Variants in PCDHGA1 observed in about 807,000 individuals in gnomAD.
PCDHGA1 encodes the protein protocadherin gamma subfamily A, 1.
A neutral mutation model predicts 58.0 loss-of-function variants in PCDHGA1; 32 were observed. That is an observed-to-expected ratio of 0.55 (90% CI 0.42 to 0.74). The LOEUF is 0.74. PCDHGA1 is among the 30% of genes least tolerant of loss of function. PCDHGA1 has a pLI of 0.00. For synonymous variants in PCDHGA1, 498 were observed against 501.1 expected (o/e 0.99, Z 0.08); for missense variants, 1,205 against 1,182.3 (o/e 1.02, Z -0.28).
chr5:141,433,365 A>ATCTG, intron 1 of PCDHGA1: 1 of 523,830 alleles, frequency 1.9e-6, no homozygotes, highest in East Asian at 3.1e-5. Context: ...CTGCCTATCT[A>ATCTG]TCTATCTATC....
chr5:141,507,716 C>T (rs567867232), intron 3 of PCDHGA1, among the ~76,000 whole-genome samples: 1 of 152,372 alleles, frequency 6.6e-6, no homozygotes, highest in South Asian at 2.1e-4. Flanking sequence ...CCCAAACCCT[C>T]CAAGCAAGTC....
chr5:141,481,871 G>A (rs372191396), intron 1 of PCDHGA1, among the ~76,000 whole-genome samples: 73 of 144,864 alleles, frequency 5.0e-4, no homozygotes, highest in Non-Finnish European at 9.7e-4. Context: ...CCGAGATCGC[G>A]CCACTGCACT....
chr5:141,366,556 C>A (rs1764642074), intron 1 of PCDHGA1: 1 of 1,614,234 alleles, frequency 6.2e-7, no homozygotes, highest in Non-Finnish European at 8.5e-7. Flanking sequence ...ACTTTGTGGG[C>A]GTGGATGGGG....
intron 1 of PCDHGA1, among the ~76,000 whole-genome samples, chr5:141,488,087 G>A (rs1479773288): frequency 6.6e-6 from 1 of 152,198 alleles, no homozygotes; most frequent in East Asian, 1.9e-4. Flanking sequence ...CTAGTACACT[G>A]TGAAGGGACC....
chr5:141,498,684 C>T (rs1255085852), intron 2 of PCDHGA1, among the ~76,000 whole-genome samples: 1 of 152,192 alleles, frequency 6.6e-6, no homozygotes, highest in South Asian at 2.1e-4. Flanking sequence ...GTAATCCCAG[C>T]ACTTTGGGAG....
At chr5:141,374,307 T>A in intron 1 of PCDHGA1, 1 of 1,613,922 alleles carries the variant, frequency 6.2e-7, no homozygotes, top group Non-Finnish European at 8.5e-7. Context: ...ATGCAGCTTT[T>A]CTCTCTGAAT....
At chr5:141,358,484 A>G (rs1299917904) in intron 1 of PCDHGA1, among the ~76,000 whole-genome samples, 2 of 152,206 alleles carry the variant, frequency 1.3e-5, no homozygotes, top group African/African-American at 4.8e-5. Context: ...TAACTTTTAG[A>G]TATAACTTTA....
rs754711722 is a variant in PCDHGA1, at chr5:141,371,108, C to A, written c.2421+38003C>A. Reference sequence around the variant, plus strand: ...TAATTGTCGCAGATGCAAATGATAACCCCCCAGTATTTACTCAGGACATGT... The same window carrying A: ...TAATTGTCGCAGATGCAAATGATAAACCCCCAGTATTTACTCAGGACATGT... On this transcript the variant is annotated intron_variant, in intron 1 of 3. Coordinates refer to ENST00000517417, the MANE Select transcript of PCDHGA1 (RefSeq NM_018912.3). 12 of 1,613,642 alleles carry A rather than the reference C, an allele frequency of 7.4e-6. No individual in the cohort carries two copies. In the African/African-American group the frequency reaches 1.5e-4, roughly 20 times the overall value.
intron 1 of PCDHGA1, chr5:141,399,681 C>A (rs2093865042): frequency 1.2e-6 from 2 of 1,613,408 alleles, no homozygotes; most frequent in Non-Finnish European, 1.7e-6. Flanking sequence ...CCTTTGACTA[C>A]GAGCAGCTGC....
intron 1 of PCDHGA1, among the ~76,000 whole-genome samples, chr5:141,460,987 ATATATATATGTG>A (rs2099005819): frequency 1.1e-5 from 1 of 92,944 alleles, no homozygotes; most frequent in Admixed American, 9.9e-5. Flanking sequence ...GTGTGTGTAT[ATATATATATGTG>A]TATATATATA....
intron 1 of PCDHGA1, chr5:141,413,905 C>G: frequency 6.2e-7 from 1 of 1,613,338 alleles, no homozygotes; most frequent in Non-Finnish European, 8.5e-7. Context: ...TGACAACGCG[C>G]CGGTCTTCAC....
At chr5:141,382,795 T>G in intron 1 of PCDHGA1, 8 of 982,614 alleles carry the variant, frequency 8.1e-6, no homozygotes, top group Non-Finnish European at 1.2e-5. Context: ...TCTATCCTGC[T>G]GGATTCTGAG....
In PCDHGA1 at chr5:141,490,598, G is replaced by A. The variant is rs141484080; in HGVS notation, c.2422-4209G>A. On this transcript the variant is annotated intron_variant, in intron 1 of 3. Transcript: ENST00000517417. This position sits in a 1 kb window ranked among gnomAD's most constrained non-coding sequence, Gnocchi z 5.4. ...TCAGATGTCAATGACAATGCACCCC[G>A]CTTCAACCAGCAGCTTTACACTGCT... 309 of 1,614,062 alleles carry A rather than the reference G, an allele frequency of 1.9e-4. 2 individuals carry two copies. Among genetic ancestry groups the A allele is most frequent in the Admixed American group, 5.0e-4 (30 of 60,018 alleles).
chr5:141,496,589 G>A (rs914585858), intron 2 of PCDHGA1, among the ~76,000 whole-genome samples: 7 of 152,124 alleles, frequency 4.6e-5, no homozygotes, highest in Admixed American at 6.5e-5. Flanking sequence ...AACGCAAAGC[G>A]CTTCTTAGAA....
At chr5:141,446,102 A>C (rs751362645) in intron 1 of PCDHGA1, among the ~76,000 whole-genome samples, 1 of 152,214 alleles carries the variant, frequency 6.6e-6, no homozygotes, top group Non-Finnish European at 1.5e-5. Context: ...TGAATTATAG[A>C]TATATTTAGG....
chr5:141,351,880 C>T (rs559827512), intron 1 of PCDHGA1: 6 of 1,613,356 alleles, frequency 3.7e-6, no homozygotes, highest in Non-Finnish European at 3.4e-6. Flanking sequence ...CGCTCAGCGC[C>T]AACGTGAGCC....
intron 1 of PCDHGA1, chr5:141,364,531 C>T (rs1763385231): frequency 1.2e-6 from 2 of 1,613,976 alleles, no homozygotes; most frequent in African/African-American, 2.7e-5. Flanking sequence ...TCCGCATCGT[C>T]TCCAGAGGTA....
At chr5:141,366,242 C>T (rs766649335) in intron 1 of PCDHGA1, 1 of 1,613,782 alleles carries the variant, frequency 6.2e-7, no homozygotes, top group East Asian at 2.2e-5. Flanking sequence ...CAGAGACGCG[C>T]TCAAGCAGAG....
chr5:141,398,736 A>G (rs748665574), intron 1 of PCDHGA1: 1 of 1,613,884 alleles, frequency 6.2e-7, no homozygotes, highest in South Asian at 1.1e-5. Context: ...TAGACCGGGA[A>G]CAACAGAGTT....
Sources: allele counts gnomAD v4.1 joint callset (sites outside exome capture counted in the v4.1 genomes callset), GRCh38; gene constraint gnomAD v4.1.1; non-coding constraint Gnocchi (gnomAD v3.1); transcripts MANE v1.5; gene names NCBI Gene and HGNC (gene_info 2026-07-23, HGNC 2026-07-21).